Variants in PSAP observed in about 807,000 individuals in gnomAD.
The protein encoded by PSAP is prosaposin.
PSAP carries 25 observed loss-of-function variants against 66.0 expected under a neutral mutation model. The observed-to-expected ratio is 0.38, with a 90% CI of 0.28 to 0.53. PSAP has a LOEUF of 0.53. Ranked by LOEUF, PSAP falls within the 20% of genes least tolerant of loss-of-function variation. The pLI, the probability that PSAP is intolerant of heterozygous loss-of-function variation, is 0.83. For synonymous variants in PSAP, 273 were observed against 258.9 expected (o/e 1.05, Z -0.52); for missense variants, 649 against 668.8 (o/e 0.97, Z 0.33).
At chr10:71,845,178 G>A (rs1842799140) in intron 1 of PSAP, among the ~76,000 whole-genome samples, 1 of 151,968 alleles carries the variant, frequency 6.6e-6, no homozygotes, top group Non-Finnish European at 1.5e-5. Flanking sequence ...TAACCCCCAA[G>A]GATAAAGAGA....
At chr10:71,823,815 CCA>C in intron 7 of PSAP, 1 of 1,065,260 alleles carries the variant, frequency 9.4e-7, no homozygotes, top group Non-Finnish European at 1.2e-6. Context: ...CATGCCATAC[CCA>C]AAAAAAAAAA....
Position 71,818,703 on chromosome 10 carries a change from C to A in PSAP, c.1453G>T (p.Ala485Ser). Reference protein sequence around the residue: ...VCLKIGACPSAHKPLLGTEKC... With the variant: ...VCLKIGACPSSHKPLLGTEKC... Reference sequence around the variant, plus strand: ...TCAGTTCCCAACAAGGGCTTATGGGCCGAGGGGCAGGCTCCAATTTTCTAT... The same window carrying A: ...TCAGTTCCCAACAAGGGCTTATGGGACGAGGGGCAGGCTCCAATTTTCTAT... The change falls in exon 13 of 14, where the codon GCC becomes TCC. Residue 485 changes from alanine to serine, a missense_variant. Ala to Ser is a moderately conservative substitution (Grantham distance 99). Coordinates refer to ENST00000394936, the MANE Select transcript of PSAP (RefSeq NM_002778.4). The A allele has an allele frequency of 6.2e-7, 1 of 1,614,060 alleles. No homozygotes were observed. Among genetic ancestry groups the A allele is most frequent in the Non-Finnish European group, 8.5e-7 (1 of 1,179,972 alleles).
At chr10:71,827,529 C>T (rs181174067) in intron 6 of PSAP, among the ~76,000 whole-genome samples, 1 of 151,904 alleles carries the variant, frequency 6.6e-6, no homozygotes, top group Non-Finnish European at 1.5e-5. Flanking sequence ...GAGTTTGAGA[C>T]CAGCCTGACA....
At chr10:71,851,085 C>G in intron 1 of PSAP, 97 bp downstream of exon 1, 4 of 1,389,240 alleles carry the variant, frequency 2.9e-6, no homozygotes. Context: ...CCAACTAGGG[C>G]AGGGGGAGCA....
intron 1 of PSAP, among the ~76,000 whole-genome samples, chr10:71,846,731 CAAAAAAAAAAAAAAAA>C (rs56323015): frequency 2.0e-5 from 1 of 49,678 alleles, no homozygotes; most frequent in South Asian, 7.2e-4. Context: ...GACCCTGTCT[CAAAAAAAAAAAAAAAA>C]AAAAAAAAAG....
At chr10:71,831,732 T>C in intron 3 of PSAP, 114 bp downstream of exon 3, 1 of 1,046,002 alleles carries the variant, frequency 9.6e-7, no homozygotes, top group Non-Finnish European at 1.5e-6. Context: ...GTGGAAGACA[T>C]TTGCCACCCT....
At chr10:71,828,435 C>T (rs757578283) in intron 5 of PSAP, among the ~76,000 whole-genome samples, 10 of 152,112 alleles carry the variant, frequency 6.6e-5, no homozygotes, top group South Asian at 6.2e-4. Flanking sequence ...GCAGGCAGAT[C>T]GCTTGAACCC....
intron 1 of PSAP, among the ~76,000 whole-genome samples, chr10:71,845,281 G>A (rs974223197): frequency 3.9e-5 from 6 of 152,122 alleles, no homozygotes; most frequent in African/African-American, 1.4e-4. Context: ...TCACATGTAT[G>A]GAAGGAAAAA....
intron 1 of PSAP, among the ~76,000 whole-genome samples, chr10:71,844,066 G>A (rs1352457559): frequency 6.6e-6 from 1 of 152,184 alleles, no homozygotes; most frequent in Non-Finnish European, 1.5e-5. Flanking sequence ...AAGAAGAAAT[G>A]CAAATGAAAC....
rs751395165 is a variant in PSAP at position 71,825,912 on chromosome 10, A to C, written c.721-19T>G. 16 of 1,607,608 alleles carry C rather than the reference A, an allele frequency of 1.0e-5. No homozygotes were observed. The highest frequency in any genetic ancestry group is 1.2e-5 in the Non-Finnish European group (14 of 1,174,104). On this transcript the variant is annotated intron_variant, in intron 6 of 13. Transcript: ENST00000394936. ...TCTTGCACTGAGGAGAGAGAAACAGATTGCTAAACAAATCACTGCAACAAT... is the reference window on the plus strand; with the variant it reads ...TCTTGCACTGAGGAGAGAGAAACAGCTTGCTAAACAAATCACTGCAACAAT...
At chr10:71,839,319 A>T (rs1158284659) in intron 1 of PSAP, among the ~76,000 whole-genome samples, 1 of 151,808 alleles carries the variant, frequency 6.6e-6, no homozygotes, top group Non-Finnish European at 1.5e-5. Context: ...GGCTTACTGC[A>T]GCCTCCACTT....
At chr10:71,834,750 T>C (rs1199137874) in intron 1 of PSAP, among the ~76,000 whole-genome samples, 1 of 152,236 alleles carries the variant, frequency 6.6e-6, no homozygotes, top group Non-Finnish European at 1.5e-5. Flanking sequence ...TAGCTACCTT[T>C]AAACAGTATC....
At chr10:71,838,107 G>C (rs577971549) in intron 1 of PSAP, among the ~76,000 whole-genome samples, 1 of 152,332 alleles carries the variant, frequency 6.6e-6, no homozygotes, top group East Asian at 1.9e-4. Context: ...CTGAAGAGGA[G>C]GTGGGAGATA....
rs1254475521 is a variant in PSAP at position 71,828,862 on chromosome 10, A to G, written c.576+15T>C. 6.2e-7 allele frequency: 1 copy of G among 1,613,668 alleles called. No homozygotes were observed. The highest frequency in any genetic ancestry group is 2.2e-5 in the East Asian group (1 of 44,870). ...AACCAAAAATGGGTCCTCAGTGGCC[A>G]GCCCGTTGTCTTACCTTTGGCTGGG... On this transcript the variant is annotated intron_variant, in intron 5 of 13. Transcript: ENST00000394936.
rs556115749 is a variant in PSAP at position 71,830,409 on chromosome 10, C to T, written c.375+717G>A. On this transcript the variant is annotated intron_variant, in intron 4 of 13. Coordinates refer to ENST00000394936, the MANE Select transcript of PSAP (RefSeq NM_002778.4). ...ACCTCCTGAGGGTCCTGTCAGCTTC[C>T]GGACTTGCAGCTTCCCTCAATGGGA... 2.0e-5 allele frequency among the ~76,000 whole-genome samples: 3 copies of T among 152,330 alleles called. No individual in the cohort carries two copies. In the South Asian group the frequency reaches 6.2e-4, roughly 32 times the overall value.
chr10:71,833,096 G>A (rs564410259), intron 2 of PSAP, among the ~76,000 whole-genome samples: 16 of 151,088 alleles, frequency 1.1e-4, no homozygotes, highest in African/African-American at 3.2e-4. Flanking sequence ...AAGTCCTTAC[G>A]GGACACACAT....
At chr10:71,822,239 A>C in intron 7 of PSAP, 2 of 579,230 alleles carry the variant, frequency 3.5e-6, no homozygotes, top group South Asian at 1.9e-5. Context: ...CAAAGCTCCT[A>C]AGGAACATCA....
At chr10:71,821,120 T>C (rs1420416276) in intron 8 of PSAP, among the ~76,000 whole-genome samples, 1 of 152,250 alleles carries the variant, frequency 6.6e-6, no homozygotes, top group Non-Finnish European at 1.5e-5. Context: ...GCTTCCTGGA[T>C]TCCAGCTGAC....
At chr10:71,849,572 C>G (rs1842886200) in intron 1 of PSAP, among the ~76,000 whole-genome samples, 1 of 152,094 alleles carries the variant, frequency 6.6e-6, no homozygotes, top group Admixed American at 6.5e-5. Context: ...TTGCACCACT[C>G]CGGCCTGGGC....
Sources: allele counts gnomAD v4.1 joint callset (sites outside exome capture counted in the v4.1 genomes callset), GRCh38; gene constraint gnomAD v4.1.1; transcripts MANE v1.5; gene names NCBI Gene and HGNC (gene_info 2026-07-23, HGNC 2026-07-21).